DYNC1I1: variants seen among roughly 807,000 people sequenced by gnomAD.
DYNC1I1 encodes the protein cytoplasmic dynein 1 intermediate chain 1.
A neutral mutation model predicts 86.6 loss-of-function variants in DYNC1I1; 43 were observed. The ratio of observed to expected loss-of-function variants is 0.50; its 90% CI spans 0.39 to 0.64. DYNC1I1 has a LOEUF of 0.64. DYNC1I1 is among the 30% of genes least tolerant of loss of function. The pLI is 0.00. For missense variants in DYNC1I1, 604 were observed against 788.8 expected (o/e 0.77, Z 2.81); for synonymous variants, 262 against 283.7 (o/e 0.92, Z 0.77).
intron 5 of DYNC1I1, among the ~76,000 whole-genome samples, chr7:95,856,621 T>C (rs922350908): frequency 1.1e-4 from 16 of 152,210 alleles, no homozygotes; most frequent in African/African-American, 3.4e-4. Flanking sequence ...AACTCTTCAT[T>C]AGTCAGTTCC....
At chr7:96,050,270 A>G (rs1317926656) in intron 14 of DYNC1I1, among the ~76,000 whole-genome samples, 1 of 152,214 alleles carries the variant, frequency 6.6e-6, no homozygotes, top group Non-Finnish European at 1.5e-5. Flanking sequence ...AAGCCTATAG[A>G]GAAGTCCATA....
intron 6 of DYNC1I1, among the ~76,000 whole-genome samples, chr7:95,894,668 T>C (rs1307717727): frequency 6.6e-6 from 1 of 152,206 alleles, no homozygotes. Flanking sequence ...ATAGGAACCA[T>C]TACAATCAAC....
At chr7:96,089,634 C>T (rs901330726) in intron 16 of DYNC1I1, among the ~76,000 whole-genome samples, 6 of 152,128 alleles carry the variant, frequency 3.9e-5, no homozygotes, top group African/African-American at 9.7e-5. Flanking sequence ...GTAATAAAAG[C>T]ATAACCGTTG....
intron 6 of DYNC1I1, among the ~76,000 whole-genome samples, chr7:95,969,970 C>T (rs1793123032): frequency 6.6e-6 from 1 of 152,080 alleles, no homozygotes. Flanking sequence ...ATATGTCTTT[C>T]CTGCATATTT....
intron 16 of DYNC1I1, among the ~76,000 whole-genome samples, chr7:96,106,187 C>T (rs1038579106): frequency 1.3e-5 from 2 of 151,962 alleles, no homozygotes; most frequent in Non-Finnish European, 2.9e-5. Context: ...GAAGTAGAAA[C>T]TTAGATCATT....
At chr7:96,019,823 T>C (rs781009731) in intron 10 of DYNC1I1, among the ~76,000 whole-genome samples, 10 of 152,162 alleles carry the variant, frequency 6.6e-5, no homozygotes, top group Non-Finnish European at 8.8e-5. Context: ...GAAAGATTTG[T>C]TGAGCAAGAA....
intron 4 of DYNC1I1, among the ~76,000 whole-genome samples, chr7:95,820,944 T>C (rs1292361837): frequency 6.6e-6 from 1 of 152,152 alleles, no homozygotes; most frequent in Admixed American, 6.5e-5. Flanking sequence ...GTCTGAAAAC[T>C]CTCCTGCGGC....
chr7:95,842,877 T>C (rs1433069687), intron 5 of DYNC1I1, among the ~76,000 whole-genome samples: 1 of 130,796 alleles, frequency 7.6e-6, no homozygotes. Context: ...TTTATTTATA[T>C]TAGACATTGT....
chr7:95,934,284 A>G (rs148908721), intron 6 of DYNC1I1, among the ~76,000 whole-genome samples: 2,747 of 152,240 alleles, frequency 0.018, 42 homozygotes, highest in Middle Eastern at 0.037. Flanking sequence ...CCGGTACACT[A>G]TTAGGTACTA....
intron 14 of DYNC1I1, among the ~76,000 whole-genome samples, chr7:96,059,713 C>T (rs528251948): frequency 1.3e-5 from 2 of 152,192 alleles, no homozygotes; most frequent in African/African-American, 2.4e-5. Context: ...TTAATAGATA[C>T]GAATCTTCAA....
At chr7:96,088,474 A>T (rs1319500623) in intron 16 of DYNC1I1, among the ~76,000 whole-genome samples, 1 of 152,164 alleles carries the variant, frequency 6.6e-6, no homozygotes, top group Non-Finnish European at 1.5e-5. Flanking sequence ...AGTTTGGATT[A>T]TGAAGCAGTT....
chr7:95,913,104 G>A (rs1791380628), intron 6 of DYNC1I1, among the ~76,000 whole-genome samples: 1 of 152,182 alleles, frequency 6.6e-6, no homozygotes, highest in African/African-American at 2.4e-5. Flanking sequence ...AGGTGAGCTA[G>A]TGTCTCTTTC....
intron 6 of DYNC1I1, among the ~76,000 whole-genome samples, chr7:95,904,443 G>A (rs576559516): frequency 6.6e-6 from 1 of 152,220 alleles, no homozygotes; most frequent in Admixed American, 6.5e-5. Context: ...TTGAGAAATT[G>A]GTCAGATTAT....
chr7:96,020,416 C>G (rs927151303), intron 10 of DYNC1I1, among the ~76,000 whole-genome samples: 1 of 151,972 alleles, frequency 6.6e-6, no homozygotes, highest in East Asian at 1.9e-4. Flanking sequence ...GGGAAACTCC[C>G]CCTTATAATA....
intron 6 of DYNC1I1, among the ~76,000 whole-genome samples, chr7:95,877,577 T>C (rs1457900759): frequency 1.3e-5 from 2 of 152,184 alleles, no homozygotes; most frequent in African/African-American, 2.4e-5. Context: ...TGATTTTCAA[T>C]GTTCAAGCCT....
intron 1 of DYNC1I1, among the ~76,000 whole-genome samples, chr7:95,792,093 G>A (rs946121322): frequency 2.6e-5 from 4 of 152,220 alleles, no homozygotes; most frequent in Admixed American, 2.6e-4. Context: ...TGAGCACTCA[G>A]TGCTAGGCAC....
At chr7:96,016,501 C>A (rs954425663) in intron 10 of DYNC1I1, among the ~76,000 whole-genome samples, 19 of 152,062 alleles carry the variant, frequency 1.2e-4, no homozygotes, top group African/African-American at 4.6e-4. Context: ...AACCGTGAAT[C>A]CTACAAATTC....
intron 1 of DYNC1I1, among the ~76,000 whole-genome samples, chr7:95,789,327 G>A (rs980730640): frequency 2.6e-5 from 4 of 152,352 alleles, no homozygotes; most frequent in African/African-American, 9.6e-5. Flanking sequence ...TAGCATTTGT[G>A]TTGACATGGT....
intron 1 of DYNC1I1, among the ~76,000 whole-genome samples, chr7:95,787,833 T>A (rs1794189780): frequency 6.6e-6 from 1 of 152,184 alleles, no homozygotes; most frequent in African/African-American, 2.4e-5. Flanking sequence ...GGGGAATAGT[T>A]TGCATTTTAA....
Sources: gnomAD v4.1 joint callset for allele counts (sites outside exome capture counted in the v4.1 genomes callset) on GRCh38, gnomAD v4.1.1 for gene constraint, MANE v1.5 for transcripts, NCBI Gene and HGNC (gene_info 2026-07-23, HGNC 2026-07-21) for gene names.